MUC7: variants seen among roughly 807,000 people sequenced by gnomAD.
The protein encoded by MUC7 is mucin-7.
Under a neutral mutation model 2.5 loss-of-function variants are expected in MUC7, and 2 were observed. That is an observed-to-expected ratio of 0.81 (90% CI 0.33 to 2.55). The LOEUF is 2.55. Ranked by LOEUF, MUC7 falls within the 30% of genes most tolerant of loss-of-function variation. The pLI, the probability that MUC7 is intolerant of heterozygous loss-of-function variation, is 0.11. For missense variants in MUC7, 408 were observed against 455.6 expected (o/e 0.90, Z 0.95); for synonymous variants, 133 against 173.4 (o/e 0.77, Z 1.83).
upstream of MUC7, among the ~76,000 whole-genome samples, chr4:70,470,524 GA>G (rs1307794608): frequency 2.0e-5 from 3 of 152,082 alleles, no homozygotes; most frequent in Non-Finnish European, 4.4e-5. Flanking sequence ...AATATTTAAA[GA>G]AAATTAAATT....
At chr4:70,442,079 A>G (rs1298485143) in intron 1 of MUC7, among the ~76,000 whole-genome samples, 2 of 152,258 alleles carry the variant, frequency 1.3e-5, no homozygotes, top group Non-Finnish European at 2.9e-5. Flanking sequence ...TAGAAATTCA[A>G]GAAGTTGAGG....
rs150249915 is a variant in MUC7 at position 70,480,990 on chromosome 4, C to A, written c.246C>A (p.Pro82=). The change falls in exon 3 of 3, where the codon CCC becomes CCA. Residue 82 remains proline, a synonymous_variant. Transcript: ENST00000304887. ...TTCCACCTTCACCTAATAACCCCCC[C>A]AAATTCCCAAATCCTCACCAGCCAC... ...PKLPPSPNNP[P]KFPNPHQPPK... 6.2e-7 allele frequency: 1 copy of A among 1,613,962 alleles called. No individual in the cohort carries two copies. Among genetic ancestry groups the A allele is most frequent in the African/African-American group, 1.3e-5 (1 of 74,904 alleles).
At chr4:70,448,445 C>T (rs1734196479) in intron 1 of MUC7, among the ~76,000 whole-genome samples, 1 of 152,044 alleles carries the variant, frequency 6.6e-6, no homozygotes. Flanking sequence ...TATTGCCTAG[C>T]TTTTGGATAA....
At chr4:70,438,393 G>T (rs1341826411) in intron 1 of MUC7, among the ~76,000 whole-genome samples, 1 of 151,932 alleles carries the variant, frequency 6.6e-6, no homozygotes, top group Non-Finnish European at 1.5e-5. Flanking sequence ...GAAAATATTA[G>T]CCCTGAAATA....
chr4:70,471,550 A>G (rs1000143467), upstream of MUC7, among the ~76,000 whole-genome samples: 7 of 152,214 alleles, frequency 4.6e-5, no homozygotes, highest in African/African-American at 1.7e-4. Flanking sequence ...TTACCTTAAG[A>G]TACTTCAGCA....
intron 1 of MUC7, among the ~76,000 whole-genome samples, chr4:70,460,042 A>T (rs190759473): frequency 1.2e-3 from 180 of 152,326 alleles, no homozygotes; most frequent in Non-Finnish European, 2.4e-3. Flanking sequence ...GAATACAAAG[A>T]CTTCCTAAAT....
At chr4:70,458,939 A>G (rs1024005742) in intron 1 of MUC7, among the ~76,000 whole-genome samples, 31 of 152,270 alleles carry the variant, frequency 2.0e-4, no homozygotes, top group African/African-American at 7.2e-4. Context: ...TAGAATAAGC[A>G]GGGAAATGTT....
At chr4:70,463,703 C>T (rs1293207572) in intron 1 of MUC7, among the ~76,000 whole-genome samples, 2 of 152,136 alleles carry the variant, frequency 1.3e-5, no homozygotes, top group Admixed American at 6.6e-5. Flanking sequence ...GTGTAATTGG[C>T]GTATACCATC....
In MUC7 at chr4:70,480,897, G is replaced by A. The variant is rs1735145831; in HGVS notation, c.153G>A (p.Leu51=). The A allele has an allele frequency of 6.2e-7, 1 of 1,614,036 alleles. No homozygotes were observed. The highest frequency in any genetic ancestry group is 8.5e-7 in the Non-Finnish European group (1 of 1,180,038). The change falls in exon 3 of 3, where the codon CTG becomes CTA. Residue 51 remains leucine (L), a synonymous_variant. Coordinates refer to ENST00000304887, the MANE Select transcript of MUC7 (RefSeq NM_152291.3). ...TTGAATTACCACATTATCCTGGACT[G>A]CTAGCTCACCAGAAGCCGTTCATTA... is the stretch of plus-strand genomic sequence containing the variant. ...SHFELPHYPG[L]LAHQKPFIRK...
At chr4:70,448,969 C>T (rs979904515) in intron 1 of MUC7, among the ~76,000 whole-genome samples, 1 of 152,130 alleles carries the variant, frequency 6.6e-6, no homozygotes, top group African/African-American at 2.4e-5. Context: ...GAATAGGGGT[C>T]TAATTTCATT....
At chr4:70,474,141 G>C in intron 2 of MUC7, 66 bp downstream of exon 2, 4 of 1,374,794 alleles carry the variant, frequency 2.9e-6, no homozygotes, top group Non-Finnish European at 3.1e-6. Flanking sequence ...GTACCTACCT[G>C]AGACTTTTAA....
In MUC7 at chr4:70,481,350, A is replaced by T. The variant is rs41419748; in HGVS notation, c.606A>T (p.Pro202=). Residue 202 remains proline, a synonymous_variant, in exon 3 of 3, where the codon CCA becomes CCT. Coordinates refer to ENST00000304887, the MANE Select transcript of MUC7 (RefSeq NM_152291.3). The part of the protein sequence containing the change: ...PPTPSATTQA[P]PSSSAPPETT... ...CACCTTCTGCAACTACACAAGCTCC[A>T]CCATCTTCCTCAGCTCCACCAGAGA... The T allele has an allele frequency of 1.8e-4, 297 of 1,611,760 alleles. 1 individual carries two copies. The African/African-American group carries it at 3.8e-3, about 21-fold the overall frequency.
intron 1 of MUC7, among the ~76,000 whole-genome samples, chr4:70,463,149 T>C (rs1286330608): frequency 1.3e-5 from 2 of 150,062 alleles, no homozygotes; most frequent in Non-Finnish European, 3.0e-5. Flanking sequence ...AAAACTCTAA[T>C]GAAAGCCAAC....
In MUC7 at chr4:70,464,062, T is replaced by C. The variant is rs145890030; in HGVS notation, c.-92-8153T>C. Reference sequence around the variant, plus strand: ...CAACTGAGATACCTGGCTCATCTCATTGGGACTGGTTAGATAGTGGGTGCA... The same window carrying C: ...CAACTGAGATACCTGGCTCATCTCACTGGGACTGGTTAGATAGTGGGTGCA... On this transcript the variant is annotated intron_variant, in intron 1 of 3. Transcript: ENST00000413702. 9.0e-3 allele frequency among the ~76,000 whole-genome samples: 1,364 copies of C among 152,272 alleles called. 18 individuals carry two copies. The highest frequency in any genetic ancestry group is 0.031 in the African/African-American group (1,287 of 41,560).
intron 1 of MUC7, among the ~76,000 whole-genome samples, chr4:70,434,918 G>A (rs28790326): frequency 0.11 from 17,396 of 151,970 alleles, 1,509 homozygotes; most frequent in African/African-American, 0.24. Context: ...CTTTGTTCTC[G>A]TTGGTTTCAA....
intron 1 of MUC7, among the ~76,000 whole-genome samples, chr4:70,439,102 T>A (rs1171714362): frequency 6.6e-6 from 1 of 152,182 alleles, no homozygotes; most frequent in Non-Finnish European, 1.5e-5. Flanking sequence ...TAAAATAGGG[T>A]GAAATGATAG....
At chr4:70,455,797 T>C (rs1166250151) in intron 1 of MUC7, among the ~76,000 whole-genome samples, 1 of 152,150 alleles carries the variant, frequency 6.6e-6, no homozygotes, top group Non-Finnish European at 1.5e-5. Flanking sequence ...CTCCGTATAC[T>C]TTTAACAACA....
rs1735200249 is a variant in MUC7, at chr4:70,481,704, T to C, written c.960T>C (p.Pro320=). 2 of 1,614,170 alleles carry C rather than the reference T, an allele frequency of 1.2e-6. No homozygotes were observed. Among genetic ancestry groups the C allele is most frequent in the Non-Finnish European group, 1.7e-6 (2 of 1,180,022 alleles). The stretch of plus-strand genomic sequence containing the variant: ...ATTCTTCCCCAACTACTCTTGCACC[T>C]GACACTTCTGAAACTTCAGCTGCAC... The part of the protein sequence containing the change: ...TPNSSPTTLA[P]DTSETSAAPT... Residue 320 remains proline, a synonymous_variant, in exon 3 of 3, where the codon CCT becomes CCC. Coordinates refer to ENST00000304887, the MANE Select transcript of MUC7 (RefSeq NM_152291.3).
upstream of MUC7, among the ~76,000 whole-genome samples, chr4:70,467,445 C>A (rs1349690682): frequency 1.3e-5 from 2 of 152,184 alleles, no homozygotes; most frequent in African/African-American, 4.8e-5. Context: ...CACAAAAAAA[C>A]CCTTCAAAAA....
Sources: gnomAD v4.1 joint callset for allele counts (sites outside exome capture counted in the v4.1 genomes callset) on GRCh38, gnomAD v4.1.1 for gene constraint, MANE v1.5 for transcripts, NCBI Gene and HGNC (gene_info 2026-07-23, HGNC 2026-07-21) for gene names.